Variants in SND1 observed in about 807,000 individuals in gnomAD.
The protein encoded by SND1 is staphylococcal nuclease and tudor domain containing 1.
Under a neutral mutation model 121.7 loss-of-function variants are expected in SND1, and 38 were observed. The observed-to-expected ratio is 0.31, with a 90% confidence interval of 0.24 to 0.41. SND1 has a LOEUF of 0.41. SND1 is among the 10% of genes least tolerant of loss of function. SND1 has a pLI of 1.00. For synonymous variants in SND1, 401 were observed against 447.4 expected (o/e 0.90, Z 1.31); for missense variants, 868 against 1,184.6 (o/e 0.73, Z 3.92).
chr7:127,888,227 T>C (rs1478213987), intron 13 of SND1, among the ~76,000 whole-genome samples: 3 of 152,106 alleles, frequency 2.0e-5, no homozygotes, highest in Non-Finnish European at 4.4e-5. Flanking sequence ...TTAAAAAATA[T>C]GTAAAATAGG....
intron 1 of SND1, among the ~76,000 whole-genome samples, chr7:127,679,455 T>C (rs1213124010): frequency 3.9e-5 from 6 of 152,216 alleles, no homozygotes; most frequent in Non-Finnish European, 8.8e-5. Context: ...TTAGATATAA[T>C]TAACATACCA....
chr7:128,080,894 G>C (rs553755336), intron 17 of SND1, among the ~76,000 whole-genome samples: 1 of 151,928 alleles, frequency 6.6e-6, no homozygotes, highest in Non-Finnish European at 1.5e-5. Flanking sequence ...TTTCCCCTCC[G>C]AGATAGAGGG....
At chr7:128,004,340 G>C (rs544619245) in intron 16 of SND1, among the ~76,000 whole-genome samples, 1 of 152,270 alleles carries the variant, frequency 6.6e-6, no homozygotes, top group Admixed American at 6.5e-5. Context: ...AGGACACCCA[G>C]ACCCCAGATG....
At chr7:127,730,671 TCTCTA>T (rs1279108563) in intron 10 of SND1, among the ~76,000 whole-genome samples, 5 of 152,240 alleles carry the variant, frequency 3.3e-5, no homozygotes, top group Admixed American at 1.3e-4. Context: ...TTTTTCTCCT[TCTCTA>T]CTCAGTTTGA....
intron 13 of SND1, among the ~76,000 whole-genome samples, chr7:127,896,736 C>T (rs1401465668): frequency 6.6e-6 from 1 of 152,072 alleles, no homozygotes; most frequent in Non-Finnish European, 1.5e-5. Flanking sequence ...CCCCTTGACT[C>T]CTGTCTCTTT....
At chr7:127,736,589 T>C (rs1411845675) in intron 10 of SND1, among the ~76,000 whole-genome samples, 1 of 152,236 alleles carries the variant, frequency 6.6e-6, no homozygotes, top group African/African-American at 2.4e-5. Context: ...AGGTAAGTTG[T>C]GCTGTCGTAC....
At chr7:128,025,443 G>A (rs1803453615) in intron 16 of SND1, among the ~76,000 whole-genome samples, 1 of 152,018 alleles carries the variant, frequency 6.6e-6, no homozygotes, top group South Asian at 2.1e-4. Context: ...GATTTTTCAC[G>A]GCCTTCAGTT....
At chr7:127,678,419 A>G (rs1795651606) in intron 1 of SND1, among the ~76,000 whole-genome samples, 1 of 152,190 alleles carries the variant, frequency 6.6e-6, no homozygotes, top group South Asian at 2.1e-4. Context: ...GGGAGCAGCA[A>G]CTTGTGCTTG....
intron 15 of SND1, among the ~76,000 whole-genome samples, chr7:127,944,294 G>A (rs865871980): frequency 7.2e-5 from 11 of 152,326 alleles, no homozygotes; most frequent in African/African-American, 2.4e-4. Flanking sequence ...CAGCAAAGCC[G>A]CCCACCAGAG....
intron 16 of SND1, chr7:127,997,632 A>G (rs1802697166): frequency 4.1e-6 from 2 of 483,944 alleles, no homozygotes; most frequent in Non-Finnish European, 8.6e-6. Flanking sequence ...ATAACTCCCC[A>G]TTGCCTCTGG....
chr7:127,885,380 G>A (rs867988783), intron 12 of SND1, among the ~76,000 whole-genome samples: 1 of 152,216 alleles, frequency 6.6e-6, no homozygotes, highest in Middle Eastern at 3.4e-3. Context: ...CTAAGCACCA[G>A]CATCACAACT....
At chr7:127,876,235 G>A (rs1799687519) in intron 12 of SND1, among the ~76,000 whole-genome samples, 1 of 152,104 alleles carries the variant, frequency 6.6e-6, no homozygotes, top group Non-Finnish European at 1.5e-5. Context: ...GGTGGTTGTG[G>A]TGTGTTTAAG....
chr7:127,652,517 A>T, intron 1 of SND1, 66 bp downstream of exon 1: 1 of 1,301,968 alleles, frequency 7.7e-7, no homozygotes, highest in Non-Finnish European at 1.1e-6. Context: ...CATTGACTCC[A>T]CCTTCCGCCA....
intron 15 of SND1, among the ~76,000 whole-genome samples, chr7:127,984,937 C>T (rs1471464668): frequency 6.6e-6 from 1 of 152,190 alleles, no homozygotes; most frequent in East Asian, 1.9e-4. Flanking sequence ...TCCTCTGGCT[C>T]CTGCGGGGAT....
intron 16 of SND1, among the ~76,000 whole-genome samples, chr7:128,058,897 G>A (rs1047541683): frequency 6.6e-6 from 1 of 151,976 alleles, no homozygotes; most frequent in Non-Finnish European, 1.5e-5. Context: ...TCAGCAGGTG[G>A]GTGGGCTCTG....
intron 1 of SND1, among the ~76,000 whole-genome samples, chr7:127,675,550 C>G (rs779665036): frequency 6.6e-6 from 1 of 152,122 alleles, no homozygotes; most frequent in Non-Finnish European, 1.5e-5. Context: ...TAAGAAAATT[C>G]AGAAATGTTC....
chr7:128,033,955 TATATC>T (rs533269281), intron 16 of SND1, among the ~76,000 whole-genome samples: 10 of 152,204 alleles, frequency 6.6e-5, no homozygotes, highest in East Asian at 5.8e-4. Flanking sequence ...ACCAAGAACT[TATATC>T]TGTTCTTGTT....
rs537858950 is a variant in SND1 at position 128,092,321 on chromosome 7, C to CT, written c.*270dup. The CT allele has an allele frequency of 7.8e-4, 341 of 436,100 alleles. 1 individual carries two copies. Among genetic ancestry groups the CT allele is most frequent in the African/African-American group, 6.2e-3 (310 of 50,218 alleles). 27.0% of individuals were successfully genotyped at this position (436,100 alleles called of 1,614,324 possible). ...TTGGTTTTATTTGGAGGTTTGTGGGCTTTTTTTAAAAAAAAAAAGTCCTCA... is the reference window on the plus strand; with the variant it reads ...TTGGTTTTATTTGGAGGTTTGTGGGCTTTTTTTTAAAAAAAAAAAGTCCTCA... On this transcript the variant is annotated 3_prime_UTR_variant, in exon 24 of 24. Coordinates refer to ENST00000354725, the MANE Select transcript of SND1 (RefSeq NM_014390.4). The surrounding 1 kb of genome is among the most constrained non-coding windows in gnomAD (Gnocchi z 4.9).
chr7:127,846,272 T>TA (rs1421852524), intron 12 of SND1, among the ~76,000 whole-genome samples: 2 of 152,188 alleles, frequency 1.3e-5, no homozygotes. Flanking sequence ...TTTACCAAAG[T>TA]AAAATTTTTT....
Sources: allele counts gnomAD v4.1 joint callset (sites outside exome capture counted in the v4.1 genomes callset), GRCh38; gene constraint gnomAD v4.1.1; non-coding constraint Gnocchi (gnomAD v3.1); transcripts MANE v1.5; gene names NCBI Gene and HGNC (gene_info 2026-07-23, HGNC 2026-07-21).